Variants in SNX27 observed in about 807,000 individuals in gnomAD.
The protein encoded by SNX27 is sorting nexin 27, also known as sorting nexin-27.
Under a neutral mutation model 71.6 loss-of-function variants are expected in SNX27, and 22 were observed. That is an observed-to-expected ratio of 0.31 (90% CI 0.22 to 0.44). SNX27 has a LOEUF of 0.44. SNX27 is among the 20% of genes least tolerant of loss of function. The pLI is 1.00. For synonymous variants in SNX27, 269 were observed against 277.2 expected, an observed-to-expected ratio of 0.97 and a Z score of 0.29; for missense variants, 531 against 698.6, an observed-to-expected ratio of 0.76 and a Z score of 2.70.
chr1:151,642,831 G>T (rs12746897), intron 2 of SNX27, among the ~76,000 whole-genome samples: 1 of 151,998 alleles, frequency 6.6e-6, no homozygotes, highest in East Asian at 1.9e-4. Context: ...TAGTAGAGAC[G>T]GGGTTTCACT....
At position 151,659,321 on chromosome 1, in the gene SNX27, C is replaced by T. The variant is rs188571392; in HGVS notation, c.736+894C>T. 7.7e-4 allele frequency among the ~76,000 whole-genome samples: 117 copies of T among 152,128 alleles called. 2 individuals carry two copies. In the East Asian group the frequency reaches 0.015, roughly 19 times the overall value. On this transcript the variant is annotated intron_variant, in intron 3 of 11. Transcript: ENST00000458013. ...GGAGTGCAGTGGTGTGACCTTGGCT[C>T]ACTGCAACCTCTGCCTCCCAGGTTC...
At position 151,660,857 on chromosome 1, in the gene SNX27, G is replaced by T. The variant is rs779687444; in HGVS notation, c.796G>T (p.Asp266Tyr). ...DIMQEFLSES[D>Y]ENYNGVSDVE... ...CATGCAGGAATTCCTATCAGAATCC[G>T]ATGAGGTAGGTGAATATCTCTTTTA... The change falls in exon 4 of 12, where the codon GAT becomes TAT. Residue 266 changes from aspartate to tyrosine, a missense_variant. Coordinates refer to ENST00000458013, the MANE Select transcript of SNX27 (RefSeq NM_001330723.2). 3 of 1,608,432 alleles carry T rather than the reference G, an allele frequency of 1.9e-6. No individual in the cohort carries two copies. Among genetic ancestry groups the T allele is most frequent in the East Asian group, 2.2e-5 (1 of 44,754 alleles).
At chr1:151,658,905 C>T (rs549328438) in intron 3 of SNX27, among the ~76,000 whole-genome samples, 3 of 152,230 alleles carry the variant, frequency 2.0e-5, no homozygotes, top group African/African-American at 2.4e-5. Context: ...AGGATGGTCT[C>T]GATCTCTTGA....
At chr1:151,687,677 G>A (rs1671241436) in intron 8 of SNX27, among the ~76,000 whole-genome samples, 1 of 152,112 alleles carries the variant, frequency 6.6e-6, no homozygotes, top group Admixed American at 6.5e-5. Flanking sequence ...GGCCTGGCGC[G>A]GTGGCTCACG....
At chr1:151,629,432 C>T (rs1176862535) in intron 1 of SNX27, 1 of 147,868 alleles carries the variant, frequency 6.8e-6, no homozygotes, top group Non-Finnish European at 1.5e-5. Flanking sequence ...CATATATATA[C>T]ACGCACATAT....
intron 7 of SNX27, among the ~76,000 whole-genome samples, chr1:151,672,592 G>A (rs952891345): frequency 6.6e-6 from 1 of 152,036 alleles, no homozygotes; most frequent in African/African-American, 2.4e-5. Context: ...TTAAATGTCT[G>A]ATAGAATTTA....
chr1:151,651,736 G>A (rs1424193532), intron 2 of SNX27, among the ~76,000 whole-genome samples: 1 of 150,446 alleles, frequency 6.6e-6, no homozygotes, highest in Non-Finnish European at 1.5e-5. Flanking sequence ...CCAGGCAGAG[G>A]GGCTCCTCAC....
chr1:151,636,468 T>C (rs1032088942), intron 1 of SNX27, among the ~76,000 whole-genome samples: 1 of 151,974 alleles, frequency 6.6e-6, no homozygotes, highest in African/African-American at 2.4e-5. Context: ...GCCTGGCTAA[T>C]CTTTTGGTAT....
chr1:151,689,191 C>G (rs1343477038), intron 8 of SNX27, among the ~76,000 whole-genome samples: 2 of 152,158 alleles, frequency 1.3e-5, no homozygotes, highest in African/African-American at 4.8e-5. Context: ...TATAACAACC[C>G]TGCAGGTATT....
rs146288780 is a variant in SNX27 at position 151,683,825 on chromosome 1, C to A, written c.1239+380C>A. Reference sequence around the variant, plus strand: ...GGGACTACAGGCATGTGCCACCACACCCAGCTAATTTTTGTATTTGTAGTA... The same window carrying A: ...GGGACTACAGGCATGTGCCACCACAACCAGCTAATTTTTGTATTTGTAGTA... On this transcript the variant is annotated intron_variant, in intron 8 of 11. Transcript: ENST00000458013. Among the ~76,000 whole-genome samples the A allele has an allele frequency of 4.8e-3, 727 of 152,168 alleles. 4 individuals carry two copies. The highest frequency in any genetic ancestry group is 0.016 in the African/African-American group (657 of 41,502).
At chr1:151,662,958 G>A (rs1190097692) in intron 5 of SNX27, among the ~76,000 whole-genome samples, 1 of 151,238 alleles carries the variant, frequency 6.6e-6, no homozygotes, top group Non-Finnish European at 1.5e-5. Flanking sequence ...CCATGTTATC[G>A]GACCTGTGTG....
At chr1:151,682,406 CT>C in intron 7 of SNX27, among the ~76,000 whole-genome samples, 1 of 152,290 alleles carries the variant, frequency 6.6e-6, no homozygotes, top group East Asian at 1.9e-4. Context: ...ACTGCAACCT[CT>C]GCCTCCTGGG....
chr1:151,698,203 A>G lies in SNX27; in HGVS notation c.*3786A>G, dbSNP rs1571892173. 6.6e-6 allele frequency: 1 copy of G among 152,590 alleles called. No individual in the cohort carries two copies. The highest frequency in any genetic ancestry group is 6.5e-5 in the Admixed American group (1 of 15,284). The allele number at this position is 152,590 out of a possible 1,614,324, so 9.5% of individuals were successfully genotyped here. A position where few individuals can be genotyped will look rare whatever the true frequency, so the allele number is the denominator to read the frequency against. ...TTACCCAGGCCAGTAGCTTTGGGTT[A>G]TCCCTTCCTGTAGCTCCAAACCCAG... On this transcript the variant is annotated 3_prime_UTR_variant, in exon 12 of 12. Coordinates refer to ENST00000458013, the MANE Select transcript of SNX27 (RefSeq NM_001330723.2).
chr1:151,653,399 T>G (rs1206706744), intron 2 of SNX27, among the ~76,000 whole-genome samples: 2 of 152,352 alleles, frequency 1.3e-5, no homozygotes, highest in East Asian at 3.9e-4. Context: ...AAGCTGGGCT[T>G]GAATTTTGTT....
At chr1:151,653,919 A>T (rs1335600113) in intron 2 of SNX27, among the ~76,000 whole-genome samples, 4 of 140,416 alleles carry the variant, frequency 2.8e-5, no homozygotes, top group Non-Finnish European at 6.1e-5. Context: ...TGCAACCTCC[A>T]CCTCCTGGGT....
In SNX27 at chr1:151,698,406, C is replaced by G. The variant is rs1234293884; in HGVS notation, c.*3989C>G. On this transcript the variant is annotated 3_prime_UTR_variant, in exon 12 of 12. Transcript: ENST00000458013. ...TGTGCTCTCCCTTCTCGCCATCATA[C>G]TGTTTGGCTAGATTCATTCAGCAGT... The G allele has an allele frequency of 1.3e-5, 2 of 152,648 alleles. No individual in the cohort carries two copies. Among genetic ancestry groups the G allele is most frequent in the African/African-American group, 2.4e-5 (1 of 41,454 alleles). 9.5% of individuals were successfully genotyped at this position (152,648 alleles called of 1,614,324 possible).
intron 1 of SNX27, among the ~76,000 whole-genome samples, chr1:151,613,657 C>T (rs922268639): frequency 1.3e-5 from 2 of 152,074 alleles, no homozygotes; most frequent in African/African-American, 4.8e-5. Flanking sequence ...CCCACCACAT[C>T]CCTCCATGCT....
chr1:151,653,896 G>A (rs1196461), intron 2 of SNX27, among the ~76,000 whole-genome samples: 138,011 of 149,050 alleles, frequency 0.93, 64,552 homozygotes, highest in Non-Finnish European at 0.99. Context: ...GCAGTGGCGC[G>A]ATCTTGGCTC....
At chr1:151,661,192 C>A in intron 4 of SNX27, 1 of 217,984 alleles carries the variant, frequency 4.6e-6, no homozygotes, top group Non-Finnish European at 9.3e-6. Flanking sequence ...ATCAGATAGT[C>A]GCTTTATATT....
Sources: gnomAD v4.1 joint callset for allele counts (sites outside exome capture counted in the v4.1 genomes callset) on GRCh38, gnomAD v4.1.1 for gene constraint, MANE v1.5 for transcripts, NCBI Gene and HGNC (gene_info 2026-07-23, HGNC 2026-07-21) for gene names.